CSMD1: variants seen among roughly 807,000 people sequenced by gnomAD.
The protein encoded by CSMD1 is CUB and sushi domain-containing protein 1.
Under a neutral mutation model 417.5 loss-of-function variants are expected in CSMD1, and 213 were observed. The observed-to-expected ratio is 0.51, with a 90% confidence interval of 0.46 to 0.57. CSMD1 has a LOEUF of 0.57. Ranked by LOEUF, CSMD1 falls within the 20% of genes least tolerant of loss-of-function variation. The pLI is 0.00. For synonymous variants in CSMD1, 2,862 were observed against 1,736.8 expected (o/e 1.65, Z -16.11); for missense variants, 6,923 against 4,529.7 (o/e 1.53, Z -15.17).
chr8:4,181,674 G>C (rs555851074), intron 3 of CSMD1, among the ~76,000 whole-genome samples: 2 of 151,978 alleles, frequency 1.3e-5, no homozygotes, highest in Admixed American at 6.6e-5. Flanking sequence ...GAATAATATT[G>C]ACTCAATTCA....
Position 2,955,844 on chromosome 8 carries a change from T to C in CSMD1, c.9815-76A>G, listed in dbSNP as rs1314261724. 10 of 1,343,504 alleles carry C rather than the reference T, an allele frequency of 7.4e-6. No individual in the cohort carries two copies. The East Asian group carries it at 2.1e-4, about 28-fold the overall frequency. 83.2% of individuals were successfully genotyped at this position (1,343,504 alleles called of 1,614,324 possible). The stretch of plus-strand genomic sequence containing the variant: ...CATGTGTCTAGAGAAATTAATAGAT[T>C]AAAATAGTTTGGAAATGGTTATGCA... On this transcript the variant is annotated intron_variant, in intron 63 of 69. Transcript: ENST00000635120.
At chr8:3,779,751 GA>G (rs1188815331) in intron 5 of CSMD1, among the ~76,000 whole-genome samples, 1 of 152,134 alleles carries the variant, frequency 6.6e-6, no homozygotes, top group East Asian at 1.9e-4. Context: ...TAAGTTATTT[GA>G]AAGAGATCCC....
chr8:3,464,944 T>C (rs1462851301), intron 12 of CSMD1, among the ~76,000 whole-genome samples: 1 of 152,172 alleles, frequency 6.6e-6, no homozygotes, highest in Non-Finnish European at 1.5e-5. Flanking sequence ...ATAATTTGCT[T>C]AGGGGAAATT....
intron 1 of CSMD1, among the ~76,000 whole-genome samples, chr8:4,915,718 T>C (rs1806019476): frequency 6.6e-6 from 1 of 152,222 alleles, no homozygotes; most frequent in Non-Finnish European, 1.5e-5. Context: ...CTAAACATTA[T>C]GTCCGGGTTT....
intron 3 of CSMD1, among the ~76,000 whole-genome samples, chr8:4,223,005 A>G (rs917012044): frequency 3.3e-5 from 5 of 152,196 alleles, no homozygotes; most frequent in Admixed American, 6.5e-5. Flanking sequence ...GCAAATAAAT[A>G]GACAAAAACA....
chr8:3,783,242 G>A (rs1799274138), intron 5 of CSMD1, among the ~76,000 whole-genome samples: 1 of 152,220 alleles, frequency 6.6e-6, no homozygotes, highest in African/African-American at 2.4e-5. Context: ...GGCCGATACT[G>A]TGTAGGTGCT....
chr8:4,416,806 A>G (rs1309909518), intron 3 of CSMD1, among the ~76,000 whole-genome samples: 1 of 152,118 alleles, frequency 6.6e-6, no homozygotes, highest in Non-Finnish European at 1.5e-5. Flanking sequence ...GGTCAGCTTG[A>G]TGACAAAGTA....
At chr8:4,335,470 A>G (rs933193900) in intron 3 of CSMD1, among the ~76,000 whole-genome samples, 5 of 152,128 alleles carry the variant, frequency 3.3e-5, no homozygotes, top group African/African-American at 1.2e-4. Context: ...GGGAATTTAT[A>G]TGGACTCCAG....
At chr8:4,167,899 A>G (rs1317051585) in intron 3 of CSMD1, among the ~76,000 whole-genome samples, 1 of 152,058 alleles carries the variant, frequency 6.6e-6, no homozygotes, top group Non-Finnish European at 1.5e-5. Flanking sequence ...AGGCTGAGGC[A>G]GGCGGACTGC....
intron 7 of CSMD1, among the ~76,000 whole-genome samples, chr8:3,655,118 A>T (rs1427197078): frequency 1.3e-5 from 2 of 152,174 alleles, no homozygotes; most frequent in Admixed American, 1.3e-4. Context: ...ATACACATTA[A>T]TTTTCCAAGC....
chr8:4,535,739 G>T (rs996777939), intron 2 of CSMD1, among the ~76,000 whole-genome samples: 4 of 152,160 alleles, frequency 2.6e-5, no homozygotes, highest in African/African-American at 9.7e-5. Flanking sequence ...AATGATCGCA[G>T]TAGTACTCAT....
intron 3 of CSMD1, among the ~76,000 whole-genome samples, chr8:4,307,261 A>G (rs181015643): frequency 6.6e-6 from 1 of 152,266 alleles, no homozygotes; most frequent in East Asian, 1.9e-4. Flanking sequence ...AATCATGCAC[A>G]GAGGGCTGTT....
chr8:4,840,828 C>T (rs1800799070), intron 1 of CSMD1, among the ~76,000 whole-genome samples: 1 of 152,196 alleles, frequency 6.6e-6, no homozygotes, highest in African/African-American at 2.4e-5. Flanking sequence ...AGTATAGAAT[C>T]ATGAGTAATC....
chr8:3,180,302 T>G (rs1222746206), intron 37 of CSMD1, among the ~76,000 whole-genome samples: 1 of 152,198 alleles, frequency 6.6e-6, no homozygotes, highest in Non-Finnish European at 1.5e-5. Context: ...GAGTCGACTG[T>G]GCGATGCCTT....
chr8:4,763,519 A>T (rs1190921390), intron 1 of CSMD1, among the ~76,000 whole-genome samples: 1 of 152,158 alleles, frequency 6.6e-6, no homozygotes, highest in Non-Finnish European at 1.5e-5. Context: ...ATAATGTATC[A>T]ACCATTTTTC....
chr8:4,887,731 A>G (rs1472406290), intron 1 of CSMD1, among the ~76,000 whole-genome samples: 1 of 151,564 alleles, frequency 6.6e-6, no homozygotes, highest in East Asian at 1.9e-4. Flanking sequence ...ATATATTTAC[A>G]TTTGTTATAT....
chr8:3,240,743 T>A (rs535158426), intron 26 of CSMD1, among the ~76,000 whole-genome samples: 100 of 151,782 alleles, frequency 6.6e-4, no homozygotes, highest in African/African-American at 2.2e-3. Flanking sequence ...GGTATCGAGG[T>A]TAGGAGAGTA....
intron 10 of CSMD1, among the ~76,000 whole-genome samples, chr8:3,527,833 G>A (rs751323097): frequency 5.3e-5 from 8 of 152,204 alleles, no homozygotes; most frequent in Non-Finnish European, 8.8e-5. Context: ...AACAGTAGAT[G>A]TGCATCTCTT....
At chr8:3,270,957 T>C (rs1027124362) in intron 26 of CSMD1, among the ~76,000 whole-genome samples, 13 of 151,902 alleles carry the variant, frequency 8.6e-5, no homozygotes, top group African/African-American at 4.8e-5. Flanking sequence ...CTGTAAGTTT[T>C]AGGGTACATG....
Sources: gnomAD v4.1 joint callset for allele counts (sites outside exome capture counted in the v4.1 genomes callset) on GRCh38, gnomAD v4.1.1 for gene constraint, MANE v1.5 for transcripts, NCBI Gene and HGNC (gene_info 2026-07-23, HGNC 2026-07-21) for gene names.